The following SLC12A1 variants were observed in gnomAD, a reference collection of about 807,000 sequenced individuals.
The protein encoded by SLC12A1 is Na-K-2Cl cotransporter.
Under a neutral mutation model 130.4 loss-of-function variants are expected in SLC12A1, and 89 were observed. The ratio of observed to expected loss-of-function variants is 0.68; its 90% CI spans 0.58 to 0.81. SLC12A1 has a LOEUF of 0.81. Ranked by LOEUF, SLC12A1 falls within the 40% of genes least tolerant of loss-of-function variation. The pLI, the probability that SLC12A1 is intolerant of heterozygous loss-of-function variation, is 0.00. For missense variants in SLC12A1, 1,310 were observed against 1,336.4 expected, an observed-to-expected ratio of 0.98 and a Z score of 0.31; for synonymous variants, 499 against 460.0, an observed-to-expected ratio of 1.08 and a Z score of -1.09.
At chr15:48,267,818 G>GA (rs2041849286) in intron 18 of SLC12A1, 117 bp downstream of exon 18, 1 of 1,067,212 alleles carries the variant, frequency 9.4e-7, no homozygotes, top group Admixed American at 2.1e-5. Context: ...GATCAGTGCA[G>GA]ATGGTTAAGG....
chr15:48,218,011 T>C (rs1264548178), intron 2 of SLC12A1: 1 of 152,318 alleles, frequency 6.6e-6, no homozygotes, highest in Non-Finnish European at 1.5e-5. Flanking sequence ...GGTTTAGCCA[T>C]GTTGCCTAGG....
intron 11 of SLC12A1, 31 bp from the exon 12 acceptor site, chr15:48,246,878 A>G (rs368878937): frequency 4.5e-5 from 65 of 1,451,582 alleles, no homozygotes; most frequent in Non-Finnish European, 5.9e-5. Flanking sequence ...AAATCACAGA[A>G]AGTCTCCTTA....
chr15:48,299,934 A>G (rs1429043577), intron 25 of SLC12A1, among the ~76,000 whole-genome samples: 1 of 152,220 alleles, frequency 6.6e-6, no homozygotes, highest in East Asian at 1.9e-4. Flanking sequence ...AAGGACCACA[A>G]GAACTTCTAA....
chr15:48,224,872 C>T (rs1028851204), intron 4 of SLC12A1: 7 of 152,150 alleles, frequency 4.6e-5, no homozygotes, highest in Admixed American at 1.3e-4. Flanking sequence ...GTCACGGCTT[C>T]GTTGAATTCT....
intron 4 of SLC12A1, chr15:48,223,104 C>G (rs772499988): frequency 3.3e-5 from 5 of 152,180 alleles, no homozygotes; most frequent in Non-Finnish European, 7.3e-5. Context: ...GTTTCCCTTT[C>G]TTTTCTAAAT....
intron 20 of SLC12A1, among the ~76,000 whole-genome samples, chr15:48,276,246 G>A (rs374363850): frequency 6.6e-5 from 10 of 152,108 alleles, no homozygotes; most frequent in Middle Eastern, 3.2e-3. Flanking sequence ...GAAATCCTAC[G>A]GGAAATGTCT....
At chr15:48,274,689 T>C (rs748430622) in intron 20 of SLC12A1, 36 bp downstream of exon 20, 1 of 1,418,172 alleles carries the variant, frequency 7.1e-7, no homozygotes, top group East Asian at 2.3e-5. Context: ...CAAGTATTTA[T>C]TGAGCACCTA....
At chr15:48,236,727 C>G (rs944881184) in intron 9 of SLC12A1, among the ~76,000 whole-genome samples, 1 of 152,106 alleles carries the variant, frequency 6.6e-6, no homozygotes, top group Non-Finnish European at 1.5e-5. Context: ...TGCTGAAGTG[C>G]AGAAAAGTTA....
chr15:48,238,102 T>A (rs914022205), intron 9 of SLC12A1, among the ~76,000 whole-genome samples: 1 of 152,232 alleles, frequency 6.6e-6, no homozygotes, highest in Non-Finnish European at 1.5e-5. Flanking sequence ...TAGAAAATTG[T>A]CCCCAAATGA....
chr15:48,285,501 T>G (rs2042047894), intron 21 of SLC12A1, among the ~76,000 whole-genome samples: 1 of 152,212 alleles, frequency 6.6e-6, no homozygotes, highest in Admixed American at 6.5e-5. Flanking sequence ...GGAAGTCAAA[T>G]AGTGCTTAAG....
chr15:48,289,025 G>A (rs117516131), intron 23 of SLC12A1, among the ~76,000 whole-genome samples: 6 of 152,022 alleles, frequency 3.9e-5, no homozygotes, highest in East Asian at 3.9e-4. Flanking sequence ...GTCTCCAAAC[G>A]CATCTGGGTC....
intron 23 of SLC12A1, 98 bp downstream of exon 23, chr15:48,288,614 C>G (rs553694354): frequency 1.6e-6 from 1 of 642,412 alleles, no homozygotes; most frequent in Admixed American, 2.8e-5. Flanking sequence ...ACACAATAGA[C>G]TCAAAGACAA....
chr15:48,245,517 G>A (rs1442183589), intron 11 of SLC12A1, among the ~76,000 whole-genome samples: 1 of 152,136 alleles, frequency 6.6e-6, no homozygotes, highest in Non-Finnish European at 1.5e-5. Context: ...GAGAATATGT[G>A]GTATTTGGTT....
intron 23 of SLC12A1, among the ~76,000 whole-genome samples, chr15:48,289,408 T>TAG: frequency 1.5e-5 from 2 of 131,916 alleles, no homozygotes; most frequent in African/African-American, 3.1e-5. Context: ...TATATATATA[T>TAG]ATATATATAT....
intron 8 of SLC12A1, among the ~76,000 whole-genome samples, chr15:48,233,159 G>T (rs2041401025): frequency 2.0e-5 from 3 of 152,170 alleles, no homozygotes; most frequent in Admixed American, 1.3e-4. Context: ...AAAGAGCCTG[G>T]AGTTGGATTC....
intron 10 of SLC12A1, among the ~76,000 whole-genome samples, chr15:48,243,595 C>T (rs2041543474): frequency 1.3e-5 from 2 of 152,312 alleles, no homozygotes; most frequent in Admixed American, 1.3e-4. Context: ...GCGGAGGTTG[C>T]AGTGAGCCAA....
chr15:48,256,719 C>A (rs1171106690), intron 16 of SLC12A1, among the ~76,000 whole-genome samples: 1 of 152,000 alleles, frequency 6.6e-6, no homozygotes, highest in Non-Finnish European at 1.5e-5. Flanking sequence ...GATTCAATTA[C>A]CTCCCACTGG....
chr15:48,229,087 A>G, intron 5 of SLC12A1, 102 bp from the exon 6 acceptor site: 5 of 1,268,576 alleles, frequency 3.9e-6, no homozygotes, highest in Non-Finnish European at 5.4e-6. Context: ...TAATACTGTT[A>G]TTGAAATAAT....
intron 4 of SLC12A1, chr15:48,221,292 T>TTC: frequency 1.4e-6 from 1 of 700,448 alleles, no homozygotes; most frequent in South Asian, 1.5e-5. Context: ...TAGATAATAA[T>TTC]ATTTGTATTG....
Sources: allele counts gnomAD v4.1 joint callset (sites outside exome capture counted in the v4.1 genomes callset), GRCh38; gene constraint gnomAD v4.1.1; transcripts MANE v1.5; gene names NCBI Gene and HGNC (gene_info 2026-07-23, HGNC 2026-07-21).